Variants in SEMA6D observed in about 807,000 individuals in gnomAD.
SEMA6D encodes semaphorin 6D, also known as semaphorin-6D.
SEMA6D carries 35 observed loss-of-function variants against 106.6 expected under a neutral mutation model. That is an observed-to-expected ratio of 0.33 (90% confidence interval 0.25 to 0.44). The LOEUF (loss-of-function observed/expected upper bound fraction) is 0.44, where lower values mean the gene tolerates loss of function less well. Ranked by LOEUF, SEMA6D falls within the 20% of genes least tolerant of loss-of-function variation. SEMA6D has a pLI of 1.00. For missense variants in SEMA6D, 1,185 were observed against 1,345.9 expected (o/e 0.88, Z 1.87); for synonymous variants, 499 against 487.7 (o/e 1.02, Z -0.31).
intron 2 of SEMA6D, among the ~76,000 whole-genome samples, chr15:47,423,396 C>A (rs986297374): frequency 6.6e-5 from 10 of 152,100 alleles, no homozygotes; most frequent in African/African-American, 2.4e-4. Flanking sequence ...AATAGCCTTT[C>A]TTGTTCTTAG....
intron 3 of SEMA6D, among the ~76,000 whole-genome samples, chr15:47,476,715 G>A (rs977357510): frequency 5.3e-4 from 80 of 152,094 alleles, no homozygotes; most frequent in African/African-American, 1.8e-3. Flanking sequence ...AATTCAGTCC[G>A]TTGTTTGTTT....
rs529069608 is a variant in SEMA6D, at chr15:47,720,110, C to G, written c.-55+2418C>G. On this transcript the variant is annotated intron_variant, in intron 1 of 18. Coordinates refer to ENST00000536845, the MANE Select transcript of SEMA6D (RefSeq NM_001358351.3). ...CAGAAAGACAGTTAAATAGATAACC[C>G]TAAGGCTTCCAAAATGTGTTGTTGA... Among the ~76,000 whole-genome samples, 75 of 152,292 alleles carry G rather than the reference C, an allele frequency of 4.9e-4. 1 individual carries two copies. The highest frequency in any genetic ancestry group is 5.9e-4 in the Non-Finnish European group (40 of 68,026).
intron 1 of SEMA6D, among the ~76,000 whole-genome samples, chr15:47,724,164 A>G (rs2079592824): frequency 6.6e-6 from 1 of 152,248 alleles, no homozygotes; most frequent in South Asian, 2.1e-4. Context: ...TGGTGGATCA[A>G]ATAAAGATAT....
intron 4 of SEMA6D, among the ~76,000 whole-genome samples, chr15:47,620,594 T>G (rs2077080274): frequency 6.6e-6 from 1 of 152,126 alleles, no homozygotes; most frequent in African/African-American, 2.4e-5. Context: ...TTCATCTTCC[T>G]TACTTCATCA....
intron 2 of SEMA6D, among the ~76,000 whole-genome samples, chr15:47,454,825 G>A (rs971550439): frequency 6.6e-6 from 1 of 151,912 alleles, no homozygotes. Context: ...TCCCACTACA[G>A]CCAGGTAGTA....
intron 2 of SEMA6D, among the ~76,000 whole-genome samples, chr15:47,433,524 A>G (rs1019469695): frequency 6.6e-6 from 1 of 152,110 alleles, no homozygotes; most frequent in Non-Finnish European, 1.5e-5. Flanking sequence ...ATTTCAATAA[A>G]AATTGACCCC....
chr15:47,605,159 A>G (rs2076752151), intron 4 of SEMA6D: 1 of 152,144 alleles, frequency 6.6e-6, no homozygotes, highest in Non-Finnish European at 1.5e-5. Context: ...AGATGTTGGT[A>G]CCTCAGCCAT....
chr15:47,653,540 G>C lies in SEMA6D; in HGVS notation c.-55+52644G>C, dbSNP rs769564783. Among the ~76,000 whole-genome samples, 23 of 152,152 alleles carry C rather than the reference G, an allele frequency of 1.5e-4. 1 individual carries two copies. The highest frequency in any genetic ancestry group is 2.8e-4 in the Non-Finnish European group (19 of 68,036). ...TCTTTTGATTGACTTGCTCCTTTCT[G>C]GCTAAGCAGAGCTTAGTGGTTCTCT... On this transcript the variant is annotated intron_variant, in intron 4 of 19. Coordinates refer to the SEMA6D transcript ENST00000558014.
chr15:47,510,982 A>G lies in SEMA6D; in HGVS notation c.-87+40437A>G, dbSNP rs2044211364. Among the ~76,000 whole-genome samples, 3 of 152,204 alleles carry G rather than the reference A, an allele frequency of 2.0e-5. No homozygotes were observed. In the South Asian group the frequency reaches 6.2e-4, roughly 32 times the overall value. On this transcript the variant is annotated intron_variant, in intron 3 of 19. Transcript: ENST00000558014. ...GCTAGAATTAACCAAGTACATTATA[A>G]CCTAATTTATGAGATGAAAATCTGG...
At chr15:47,206,494 C>T (rs1895073310) in intron 1 of SEMA6D, among the ~76,000 whole-genome samples, 2 of 152,162 alleles carry the variant, frequency 1.3e-5, no homozygotes, top group Non-Finnish European at 2.9e-5. Context: ...ATGCTTTTCC[C>T]ATCACCCTGA....
rs546811074 is a variant in SEMA6D, at chr15:47,312,060, T to C, written c.-238-100333T>C. On this transcript the variant is annotated intron_variant, in intron 1 of 19. Coordinates refer to the SEMA6D transcript ENST00000558014. ...TGGTGCCTCAGCTCTGACTGTGATG[T>C]TGGCCTGACCACCCCAGTGATGGGC... Among the ~76,000 whole-genome samples the C allele has an allele frequency of 2.6e-5, 4 of 152,268 alleles. No individual in the cohort carries two copies. In the South Asian group the frequency reaches 6.2e-4, roughly 24 times the overall value.
intron 1 of SEMA6D, among the ~76,000 whole-genome samples, chr15:47,304,433 TAAAAAAAA>T (rs56185341): frequency 4.3e-5 from 4 of 93,842 alleles, no homozygotes; most frequent in East Asian, 5.0e-4. Context: ...GCCTTCTAAC[TAAAAAAAA>T]AAAAAAAAAA....
chr15:47,197,156 C>T (rs766287702), intron 1 of SEMA6D, among the ~76,000 whole-genome samples: 1 of 152,116 alleles, frequency 6.6e-6, no homozygotes, highest in Non-Finnish European at 1.5e-5. Flanking sequence ...CACTTTGGTA[C>T]TTTCAAGAAC....
chr15:47,365,097 G>C (rs547147823), intron 1 of SEMA6D, among the ~76,000 whole-genome samples: 178 of 152,270 alleles, frequency 1.2e-3, no homozygotes, highest in African/African-American at 4.2e-3. Flanking sequence ...GCCTGGAAGG[G>C]CCTAAAAGGC....
chr15:47,523,696 C>T (rs1360169632), intron 3 of SEMA6D, among the ~76,000 whole-genome samples: 1 of 152,176 alleles, frequency 6.6e-6, no homozygotes, highest in African/African-American at 2.4e-5. Flanking sequence ...TGAGCATTCC[C>T]TTCTGTGGAT....
intron 1 of SEMA6D, among the ~76,000 whole-genome samples, chr15:47,332,293 C>T (rs1004483261): frequency 6.6e-6 from 1 of 152,112 alleles, no homozygotes; most frequent in Non-Finnish European, 1.5e-5. Context: ...TCAGAAAATG[C>T]TTGCACAATT....
At chr15:47,276,501 C>A (rs1315760394) in intron 1 of SEMA6D, among the ~76,000 whole-genome samples, 1 of 152,122 alleles carries the variant, frequency 6.6e-6, no homozygotes, top group Non-Finnish European at 1.5e-5. Context: ...AAGAATTATG[C>A]TAACTCTGCT....
At chr15:47,434,065 G>C (rs1275188656) in intron 2 of SEMA6D, among the ~76,000 whole-genome samples, 2 of 152,106 alleles carry the variant, frequency 1.3e-5, no homozygotes, top group Non-Finnish European at 2.9e-5. Context: ...TGAGGTGGCA[G>C]AGAAAAAATG....
chr15:47,535,795 G>T (rs1229913695), intron 3 of SEMA6D, among the ~76,000 whole-genome samples: 1 of 152,090 alleles, frequency 6.6e-6, no homozygotes, highest in African/African-American at 2.4e-5. Context: ...GGATATGAGG[G>T]AAAGCCTCAT....
Sources: allele counts gnomAD v4.1 joint callset (sites outside exome capture counted in the v4.1 genomes callset), GRCh38; gene constraint gnomAD v4.1.1; transcripts MANE v1.5; gene names NCBI Gene and HGNC (gene_info 2026-07-23, HGNC 2026-07-21).